Variants in ITPR2 observed in about 807,000 individuals in gnomAD.
ITPR2 encodes inositol 1,4,5-trisphosphate receptor type 2, also known as inositol 1,4,5-trisphosphate-gated calcium channel ITPR2.
ITPR2 carries 207 observed loss-of-function variants against 317.1 expected under a neutral mutation model. That is an observed-to-expected ratio of 0.65 (90% CI 0.58 to 0.73). ITPR2 has a LOEUF of 0.73. Ranked by LOEUF, ITPR2 falls within the 30% of genes least tolerant of loss-of-function variation. ITPR2 has a pLI of 0.00. For synonymous variants in ITPR2, 1,156 were observed against 1,149.1 expected, an observed-to-expected ratio of 1.01 and a Z score of -0.12; for missense variants, 2,613 against 3,284.0, an observed-to-expected ratio of 0.80 and a Z score of 4.99.
intron 54 of ITPR2, among the ~76,000 whole-genome samples, chr12:26,397,902 G>A (rs1337276781): frequency 1.3e-5 from 2 of 152,014 alleles, no homozygotes; most frequent in Non-Finnish European, 2.9e-5. Flanking sequence ...AGATTCTAGG[G>A]TGCCGAGAGA....
At chr12:26,594,218 T>C (rs1945782828) in intron 32 of ITPR2, among the ~76,000 whole-genome samples, 1 of 152,070 alleles carries the variant, frequency 6.6e-6, no homozygotes, top group Admixed American at 6.6e-5. Context: ...GGAAATGAAG[T>C]AAAACAGGAA....
rs1286262200 is a variant in ITPR2, at chr12:26,517,194, A to T, written c.5074-21934T>A. Among the ~76,000 whole-genome samples, 5 of 152,144 alleles carry T rather than the reference A, an allele frequency of 3.3e-5. No individual in the cohort carries two copies. The East Asian group carries it at 9.6e-4, about 29-fold the overall frequency. On this transcript the variant is annotated intron_variant, in intron 37 of 56. Transcript: ENST00000381340. Reference sequence around the variant, plus strand: ...TAATTAAAATACTATATATAGGGAGATGCTATGGGATGCAACTAAAGTAGT... The same window carrying T: ...TAATTAAAATACTATATATAGGGAGTTGCTATGGGATGCAACTAAAGTAGT...
chr12:26,476,870 T>C, intron 44 of ITPR2, 42 bp downstream of exon 44: 1 of 1,373,766 alleles, frequency 7.3e-7, no homozygotes, highest in East Asian at 2.3e-5. Context: ...TTTTTCCTTT[T>C]AGGCTACCCA....
At chr12:26,587,611 T>C (rs748518310) in intron 32 of ITPR2, among the ~76,000 whole-genome samples, 9 of 152,220 alleles carry the variant, frequency 5.9e-5, no homozygotes, top group Admixed American at 2.6e-4. Context: ...AGGGTGGTCA[T>C]AGGGCAGAGG....
At chr12:26,738,910 T>C (rs1949178693) in intron 2 of ITPR2, among the ~76,000 whole-genome samples, 1 of 152,206 alleles carries the variant, frequency 6.6e-6, no homozygotes, top group South Asian at 2.1e-4. Flanking sequence ...TGAAAGTAAG[T>C]TGCAAAAGCA....
chr12:26,421,343 C>T (rs1455945853), intron 49 of ITPR2: 2 of 152,014 alleles, frequency 1.3e-5, no homozygotes, highest in Admixed American at 6.6e-5. Context: ...TAAGTCTTGA[C>T]GTGGAGTGGA....
At chr12:26,687,346 A>T (rs1372914698) in intron 10 of ITPR2, among the ~76,000 whole-genome samples, 2 of 152,212 alleles carry the variant, frequency 1.3e-5, no homozygotes, top group Non-Finnish European at 2.9e-5. Flanking sequence ...CAAGGGATGC[A>T]ATATAAGCTT....
At chr12:26,657,328 CT>C (rs749664077) in intron 18 of ITPR2, among the ~76,000 whole-genome samples, 1 of 152,200 alleles carries the variant, frequency 6.6e-6, no homozygotes, top group Non-Finnish European at 1.5e-5. Context: ...AAACTACTGG[CT>C]TACTTGCTCT....
chr12:26,629,335 C>T (rs1946692746), intron 22 of ITPR2, among the ~76,000 whole-genome samples: 1 of 152,074 alleles, frequency 6.6e-6, no homozygotes, highest in Admixed American at 6.5e-5. Flanking sequence ...GGCTGTAATC[C>T]CAGCACTTTG....
At chr12:26,363,909 CAAAG>C (rs956981955) in intron 55 of ITPR2, among the ~76,000 whole-genome samples, 1 of 151,890 alleles carries the variant, frequency 6.6e-6, no homozygotes, top group African/African-American at 2.4e-5. Context: ...TCTTCTAAAA[CAAAG>C]AAAGACCCAA....
chr12:26,596,721 C>T (rs1014461095), intron 31 of ITPR2, among the ~76,000 whole-genome samples, 162 bp downstream of exon 31: 3 of 151,344 alleles, frequency 2.0e-5, no homozygotes, highest in African/African-American at 4.9e-5. Flanking sequence ...AGTAGACCTT[C>T]TATGCTCTTT....
chr12:26,668,872 G>A (rs1947686621), intron 13 of ITPR2, among the ~76,000 whole-genome samples: 1 of 152,070 alleles, frequency 6.6e-6, no homozygotes, highest in Admixed American at 6.6e-5. Context: ...TGTAATCCCA[G>A]CATTTTGGGA....
chr12:26,483,608 C>A, intron 42 of ITPR2, 90 bp downstream of exon 42: 1 of 936,188 alleles, frequency 1.1e-6, no homozygotes, highest in Non-Finnish European at 1.7e-6. Context: ...TCTGGCAAAG[C>A]AAGAAGAAAG....
chr12:26,827,701 T>C (rs2137307641), intron 1 of ITPR2, among the ~76,000 whole-genome samples: 1 of 152,380 alleles, frequency 6.6e-6, no homozygotes, highest in East Asian at 1.9e-4. Context: ...CTTGAAATAC[T>C]GTGTAAACTC....
At chr12:26,547,270 A>T (rs902329477) in intron 37 of ITPR2, among the ~76,000 whole-genome samples, 1 of 152,222 alleles carries the variant, frequency 6.6e-6, no homozygotes, top group Non-Finnish European at 1.5e-5. Context: ...TCAAAGGAAG[A>T]CAGAGAAATG....
chr12:26,357,582 G>A (rs142933204), intron 55 of ITPR2, among the ~76,000 whole-genome samples: 213 of 152,318 alleles, frequency 1.4e-3, no homozygotes, highest in African/African-American at 4.8e-3. Context: ...AGAGGGTTGC[G>A]GGAACCGCCA....
In ITPR2 at chr12:26,532,837, C is replaced by T. The variant is rs533371460; in HGVS notation, c.5073+17410G>A. 1.3e-4 allele frequency among the ~76,000 whole-genome samples: 20 copies of T among 152,158 alleles called. No homozygotes were observed. In the East Asian group the frequency reaches 3.7e-3, roughly 28 times the overall value. On this transcript the variant is annotated intron_variant, in intron 37 of 56. Coordinates refer to ENST00000381340, the MANE Select transcript of ITPR2 (RefSeq NM_002223.4). Reference sequence around the variant, plus strand: ...AGTAGCCAGGATTACAGGCATGCACCACCACGCCCAGCTAATTTTTGTATT... The same window carrying T: ...AGTAGCCAGGATTACAGGCATGCACTACCACGCCCAGCTAATTTTTGTATT...
Position 26,497,155 on chromosome 12 carries a change from CT to C in ITPR2, c.5074-1896del, listed in dbSNP as rs573079284. ...TTGAACCATGTGATCATTTCTCTCT[CT>C]TTTTTTTTTTTTTTTGAGACGGAGT... On this transcript the variant is annotated intron_variant, in intron 37 of 56. Coordinates refer to ENST00000381340, the MANE Select transcript of ITPR2 (RefSeq NM_002223.4). Among the ~76,000 whole-genome samples, 1,150 of 134,362 alleles carry C rather than the reference CT, an allele frequency of 8.6e-3. 10 individuals are homozygous for C. Among genetic ancestry groups the C allele is most frequent in the African/African-American group, 0.021 (731 of 34,982 alleles). 88.1% of individuals were successfully genotyped at this position (134,362 alleles called of 152,430 possible).
chr12:26,791,039 C>A (rs140575690), intron 1 of ITPR2, among the ~76,000 whole-genome samples: 29 of 152,320 alleles, frequency 1.9e-4, no homozygotes, highest in African/African-American at 7.0e-4. Flanking sequence ...GCCTGACACA[C>A]TACAAGTGCT....
Sources: allele counts gnomAD v4.1 joint callset (sites outside exome capture counted in the v4.1 genomes callset), GRCh38; gene constraint gnomAD v4.1.1; transcripts MANE v1.5; gene names NCBI Gene and HGNC (gene_info 2026-07-23, HGNC 2026-07-21).